Variants in PAPLN observed in about 807,000 individuals in gnomAD.
PAPLN encodes papilin, proteoglycan like sulfated glycoprotein, also known as papilin.
In PAPLN, 146 loss-of-function variants were observed where a neutral mutation model predicts 159.0. The ratio of observed to expected loss-of-function variants is 0.92; its 90% confidence interval spans 0.80 to 1.05. The LOEUF (loss-of-function observed/expected upper bound fraction) is 1.05, where lower values mean the gene tolerates loss of function less well. PAPLN is among the 50% of genes least tolerant of loss of function. The pLI is 0.00. For synonymous variants in PAPLN, 734 were observed against 702.9 expected (o/e 1.04, Z -0.70); for missense variants, 1,720 against 1,743.9 (o/e 0.99, Z 0.24).
In PAPLN at chr14:73,238,061, G is replaced by C. The variant is rs1283496120; in HGVS notation, c.-7+469G>C. 7.2e-5 allele frequency among the ~76,000 whole-genome samples: 11 copies of C among 152,294 alleles called. No homozygotes were observed. The East Asian group carries it at 2.1e-3, about 29-fold the overall frequency. On this transcript the variant is annotated intron_variant, in intron 1 of 26. Transcript: ENST00000644200. ...TCTCCGCCTCGGGGGTGCGCGGCGC[G>C]TTCCTGGGGTGGGGACGCGGGGTGC... is the stretch of plus-strand genomic sequence containing the variant.
chr14:73,244,915 C>T (rs555696194), intron 3 of PAPLN, 156 bp downstream of exon 3: 17 of 597,262 alleles, frequency 2.8e-5, no homozygotes, highest in Non-Finnish European at 4.6e-5. Context: ...ATCAGTTCAG[C>T]GCAGGAAATC....
chr14:73,266,673 G>A, intron 24 of PAPLN, 45 bp downstream of exon 24: 1 of 1,614,168 alleles, frequency 6.2e-7, no homozygotes, highest in Non-Finnish European at 8.5e-7. Flanking sequence ...GGTGGCATGG[G>A]TAGGGCAGGA....
Position 73,268,645 on chromosome 14 carries a change from G to A in PAPLN, c.3589G>A (p.Glu1197Lys), listed in dbSNP as rs746727680. The change falls in exon 26 of 27, where the codon GAG (glutamate) becomes AAG (lysine). Residue 1197 changes from glutamate to lysine, a missense_variant. Glu to Lys is a moderately conservative substitution (Grantham distance 56). Coordinates refer to ENST00000644200, the MANE Select transcript of PAPLN (RefSeq NM_001365906.3). ...LLIYNLRARD[E>K]GSYTCSAYQG... ...CATTTACAACTTGCGGGCCAGGGATGAGGGCTCCTACACGTGCAGTGCCTA... is the reference window on the plus strand; with the variant it reads ...CATTTACAACTTGCGGGCCAGGGATAAGGGCTCCTACACGTGCAGTGCCTA... 4.3e-6 allele frequency: 7 copies of A among 1,614,092 alleles called. No individual in the cohort carries two copies. The highest frequency in any genetic ancestry group is 1.1e-5 in the South Asian group (1 of 91,072).
At chr14:73,262,219 C>A in intron 18 of PAPLN, 131 bp from the exon 19 acceptor site, 1 of 949,160 alleles carries the variant, frequency 1.1e-6, no homozygotes, top group Non-Finnish European at 1.6e-6. Flanking sequence ...AGGTCAGGCC[C>A]CCAGACAGGG....
intron 2 of PAPLN, chr14:73,242,819 C>T (rs765076842): frequency 2.6e-5 from 4 of 152,174 alleles, no homozygotes; most frequent in Non-Finnish European, 5.9e-5. Context: ...GTGTGTGGTT[C>T]GGCAGGCTTA....
rs177382 is a variant in PAPLN, at chr14:73,269,236, C to T, written c.3667+513C>T. The stretch of plus-strand genomic sequence containing the variant: ...CAGAGAGCGTAAGTGGTGTTTCCAC[C>T]GGTCACACCGCAAATGTGGCCTACC... On this transcript the variant is annotated intron_variant, in intron 26 of 26. Coordinates refer to ENST00000644200, the MANE Select transcript of PAPLN (RefSeq NM_001365906.3). Among the ~76,000 whole-genome samples the T allele has an allele frequency of 3.8e-3, 571 of 151,958 alleles. 10 individuals are homozygous for T. The highest frequency in any genetic ancestry group is 0.014 in the Middle Eastern group (4 of 286).
chr14:73,244,892 T>C, intron 3 of PAPLN, 133 bp downstream of exon 3: 1 of 660,970 alleles, frequency 1.5e-6, no homozygotes, highest in Non-Finnish European at 2.5e-6. Context: ...AGCAGATTCA[T>C]TCTGGAAGCA....
At chr14:73,239,730 T>A in intron 1 of PAPLN, 43 bp from the exon 2 acceptor site, 2 of 1,539,502 alleles carry the variant, frequency 1.3e-6, no homozygotes, top group Non-Finnish European at 8.7e-7. Flanking sequence ...CCAGGACAGC[T>A]GCGGGAGCCC....
chr14:73,239,005 C>T (rs1311940754), intron 1 of PAPLN, among the ~76,000 whole-genome samples: 2 of 152,142 alleles, frequency 1.3e-5, no homozygotes, highest in Admixed American at 6.5e-5. Flanking sequence ...GCGTGTATAC[C>T]GACTGGACAC....
At chr14:73,251,410 GC>G in intron 7 of PAPLN, 75 bp from the exon 8 acceptor site, 2 of 1,424,036 alleles carry the variant, frequency 1.4e-6, no homozygotes, top group East Asian at 4.7e-5. Flanking sequence ...GTGCTGTGTG[GC>G]ACTTGGAGTC....
chr14:73,263,894 T>TA lies in PAPLN; in HGVS notation c.2861+112_2861+113insA, dbSNP rs757358196. 1.7e-3 allele frequency: 1,546 copies of TA among 910,600 alleles called. 5 individuals carry two copies. Among genetic ancestry groups the TA allele is most frequent in the South Asian group, 2.4e-3 (156 of 63,750 alleles). The allele number at this position is 910,600 out of a possible 1,614,324, so 56.4% of individuals were successfully genotyped here. A position where few individuals can be genotyped will look rare whatever the true frequency, so the allele number is the denominator to read the frequency against. ...CCTCTGATAGGTGTGACAGACCCCC[T>TA]CCTCCTTTGACAGGTGTGTGTGACA... On this transcript the variant is annotated intron_variant, in intron 20 of 26. Transcript: ENST00000644200.
At position 73,245,941 on chromosome 14, in the gene PAPLN, G is replaced by A. The variant is rs1831709758; in HGVS notation, c.232-132G>A. 2 of 993,178 alleles carry A rather than the reference G, an allele frequency of 2.0e-6. No individual in the cohort carries two copies. The highest frequency in any genetic ancestry group is 1.4e-6 in the Non-Finnish European group (1 of 699,896). 61.5% of individuals were successfully genotyped at this position (993,178 alleles called of 1,614,324 possible). On this transcript the variant is annotated intron_variant, in intron 4 of 26. Transcript: ENST00000644200. This position sits in a 1 kb window ranked among gnomAD's most constrained non-coding sequence, Gnocchi z 4.2. ...ACAGGAGTTCGGGGGTCCGGGGGGC[G>A]GACTCCACCTCCGGCGGCTCCGATG...
At chr14:73,263,307 G>A in intron 19 of PAPLN, 1 of 436,516 alleles carries the variant, frequency 2.3e-6, no homozygotes, top group Non-Finnish European at 4.1e-6. Context: ...AAAGCGTTGT[G>A]TTCCACATGG....
intron 15 of PAPLN, 39 bp downstream of exon 15, chr14:73,259,098 G>A: frequency 1.3e-6 from 2 of 1,579,622 alleles, no homozygotes; most frequent in South Asian, 2.3e-5. Context: ...GAGCCCTGTA[G>A]TTTTTGTGTC....
chr14:73,251,897 A>G, intron 9 of PAPLN, 61 bp downstream of exon 9: 1 of 1,549,180 alleles, frequency 6.5e-7, no homozygotes, highest in Non-Finnish European at 8.7e-7. Flanking sequence ...AGAGGCTGCC[A>G]AGCTCTGTAC....
rs145637886 is a variant in PAPLN, at chr14:73,259,334, C to G, written c.1774C>G (p.Arg592Gly). 2 of 1,609,088 alleles carry G rather than the reference C, an allele frequency of 1.2e-6. No individual in the cohort carries two copies. Among genetic ancestry groups the G allele is most frequent in the Admixed American group, 3.4e-5 (2 of 59,510 alleles). The change falls in exon 16 of 27, where the codon CGA becomes GGA. Residue 592 changes from arginine to glycine, a missense_variant. Arg to Gly is a moderately radical substitution (Grantham distance 125). Transcript: ENST00000644200. ...AGCCAGGGGTGACCACAGGGGAGAA[C>G]GAGGTGACCCCAGGGGCGACCAAGG... is the stretch of plus-strand genomic sequence containing the variant. ...PSARGDHRGE[R>G]GDPRGDQGTH...
At chr14:73,254,839 C>T (rs756357728) in intron 13 of PAPLN, 38 bp from the exon 14 acceptor site, 66 of 1,606,300 alleles carry the variant, frequency 4.1e-5, no homozygotes, top group Non-Finnish European at 4.8e-5. Context: ...CCCAGCCTCG[C>T]CCTCAGCATC....
chr14:73,264,023 C>A (rs1184213324), intron 20 of PAPLN, 188 bp from the exon 21 acceptor site: 4 of 1,507,416 alleles, frequency 2.7e-6, no homozygotes, highest in Non-Finnish European at 3.5e-6. Context: ...CACGTGACAG[C>A]TCCCTCCACC....
At chr14:73,260,874 A>T in intron 17 of PAPLN, 45 bp downstream of exon 17, 1 of 1,490,502 alleles carries the variant, frequency 6.7e-7, no homozygotes, top group East Asian at 2.4e-5. Context: ...CCAGCCCGTG[A>T]GCCTGCTCAG....
Sources: allele counts gnomAD v4.1 joint callset (sites outside exome capture counted in the v4.1 genomes callset), GRCh38; gene constraint gnomAD v4.1.1; non-coding constraint Gnocchi (gnomAD v3.1); transcripts MANE v1.5; gene names NCBI Gene and HGNC (gene_info 2026-07-23, HGNC 2026-07-21).